KCNIP1: variants seen among roughly 807,000 people sequenced by gnomAD.
KCNIP1 encodes A-type potassium channel modulatory protein KCNIP1.
KCNIP1 carries 18 observed loss-of-function variants against 33.0 expected under a neutral mutation model. The observed-to-expected ratio is 0.55, with a 90% confidence interval of 0.38 to 0.81. KCNIP1 has a LOEUF of 0.81. Ranked by LOEUF, KCNIP1 falls within the 30% of genes least tolerant of loss-of-function variation. KCNIP1 has a pLI of 0.00. For synonymous variants in KCNIP1, 93 were observed against 98.3 expected, an observed-to-expected ratio of 0.95 and a Z score of 0.32; for missense variants, 238 against 271.6, an observed-to-expected ratio of 0.88 and a Z score of 0.87.
At chr5:170,597,788 T>TAC (rs1758500852) in intron 1 of KCNIP1, among the ~76,000 whole-genome samples, 3 of 822 alleles carry the variant, frequency 3.6e-3, no homozygotes, top group Non-Finnish European at 0.014. Context: ...GAGATAAATA[T>TAC]ATATATATAT....
At chr5:170,520,806 T>A (rs1366103377) in intron 1 of KCNIP1, among the ~76,000 whole-genome samples, 3 of 152,110 alleles carry the variant, frequency 2.0e-5, no homozygotes. Flanking sequence ...ACCACTTCCT[T>A]CAGGGAAGGC....
intron 1 of KCNIP1, among the ~76,000 whole-genome samples, chr5:170,608,207 G>C (rs1362988271): frequency 1.3e-5 from 2 of 152,132 alleles, no homozygotes; most frequent in African/African-American, 4.8e-5. Context: ...TTGTCTGCCA[G>C]CCATCCTCAG....
At position 170,428,713 on chromosome 5, in the gene KCNIP1, C is replaced by T. The variant is rs538742903; in HGVS notation, c.88+74749C>T. 2.0e-5 allele frequency among the ~76,000 whole-genome samples: 3 copies of T among 152,232 alleles called. No individual in the cohort carries two copies. In the South Asian group the frequency reaches 6.2e-4, roughly 32 times the overall value. ...CAATAGGAAGAAAGGTGTGTGTCAC[C>T]TTCACCTTCCCACCCTTTATGGGGG... On this transcript the variant is annotated intron_variant, in intron 1 of 7. Transcript: ENST00000377360.
At chr5:170,588,172 T>C (rs1289331619) in intron 1 of KCNIP1, among the ~76,000 whole-genome samples, 1 of 152,202 alleles carries the variant, frequency 6.6e-6, no homozygotes, top group South Asian at 2.1e-4. Flanking sequence ...AAAGCAATCA[T>C]AGACTGAGTC....
intron 1 of KCNIP1, among the ~76,000 whole-genome samples, chr5:170,426,548 A>T (rs1755619574): frequency 6.6e-6 from 1 of 152,146 alleles, no homozygotes; most frequent in African/African-American, 2.4e-5. Flanking sequence ...TGCCACTGGG[A>T]CTCAGTTTTA....
intron 1 of KCNIP1, among the ~76,000 whole-genome samples, chr5:170,659,779 C>A (rs1304391819): frequency 6.6e-6 from 1 of 152,188 alleles, no homozygotes; most frequent in Non-Finnish European, 1.5e-5. Context: ...GAGATAAGAT[C>A]TTTGACTATT....
intron 1 of KCNIP1, among the ~76,000 whole-genome samples, chr5:170,587,015 G>A (rs920908687): frequency 1.3e-5 from 2 of 152,154 alleles, no homozygotes. Context: ...AAAGGTGCCA[G>A]CCCCAAAAAA....
At chr5:170,484,616 G>C (rs34255830) in intron 1 of KCNIP1, among the ~76,000 whole-genome samples, 75,676 of 151,270 alleles carry the variant, frequency 0.5, 20,733 homozygotes, top group African/African-American at 0.73. Flanking sequence ...TTCTCTTTCT[G>C]TTGCCATTCT....
chr5:170,435,598 G>A lies in KCNIP1; in HGVS notation c.88+81634G>A, dbSNP rs142998492. ...GAGAAGGCATAAGATGATGCTGAAG[G>A]CACAGGCTCTGGAAGAGGACAGGGC... On this transcript the variant is annotated intron_variant, in intron 1 of 7. Transcript: ENST00000377360. 2.7e-3 allele frequency among the ~76,000 whole-genome samples: 413 copies of A among 152,296 alleles called. 2 individuals are homozygous for A. Among genetic ancestry groups the A allele is most frequent in the African/African-American group, 9.3e-3 (386 of 41,564 alleles).
At chr5:170,725,949 C>G (rs965415288) in intron 5 of KCNIP1, among the ~76,000 whole-genome samples, 1 of 152,134 alleles carries the variant, frequency 6.6e-6, no homozygotes, top group Non-Finnish European at 1.5e-5. Flanking sequence ...TGGACATTAA[C>G]CTTAACCTCA....
chr5:170,598,943 TTGGTGG>T (rs1758582313), intron 1 of KCNIP1, among the ~76,000 whole-genome samples: 11 of 82,116 alleles, frequency 1.3e-4, no homozygotes, highest in East Asian at 6.2e-4. Flanking sequence ...GTGTGTGTGT[TTGGTGG>T]GGTGGGAGGG....
At chr5:170,367,352 AG>A (rs1301795500) in intron 1 of KCNIP1, among the ~76,000 whole-genome samples, 1 of 41,726 alleles carries the variant, frequency 2.4e-5, no homozygotes, top group Non-Finnish European at 4.8e-5. Flanking sequence ...GGAAAGAAAA[AG>A]AAAGAAAGAA....
chr5:170,496,213 G>A (rs1757308294), intron 1 of KCNIP1, among the ~76,000 whole-genome samples: 1 of 152,218 alleles, frequency 6.6e-6, no homozygotes, highest in Non-Finnish European at 1.5e-5. Context: ...AAGGATGGGT[G>A]GGAGCATCAT....
At chr5:170,493,686 G>C (rs532641913) in intron 1 of KCNIP1, among the ~76,000 whole-genome samples, 15 of 152,330 alleles carry the variant, frequency 9.8e-5, no homozygotes, top group Admixed American at 8.5e-4. Context: ...AAAGTCATGT[G>C]TTAAGAGTGG....
chr5:170,428,228 G>T (rs1472739010), intron 1 of KCNIP1, among the ~76,000 whole-genome samples: 1 of 152,182 alleles, frequency 6.6e-6, no homozygotes, highest in African/African-American at 2.4e-5. Flanking sequence ...CGCAGGGTTG[G>T]TGGAAGGACT....
chr5:170,491,194 T>C (rs1757196882), intron 1 of KCNIP1, among the ~76,000 whole-genome samples: 1 of 152,184 alleles, frequency 6.6e-6, no homozygotes, highest in South Asian at 2.1e-4. Flanking sequence ...CACCAGTGTA[T>C]CCTGGAAACT....
chr5:170,599,303 A>G (rs1758597834), intron 1 of KCNIP1, among the ~76,000 whole-genome samples: 1 of 152,098 alleles, frequency 6.6e-6, no homozygotes, highest in African/African-American at 2.4e-5. Flanking sequence ...ACCGCAGCAC[A>G]CCGTGCATCC....
chr5:170,654,660 A>G (rs977584503), intron 1 of KCNIP1, among the ~76,000 whole-genome samples: 15 of 152,234 alleles, frequency 9.9e-5, no homozygotes, highest in African/African-American at 3.6e-4. Context: ...CTGCATATCA[A>G]GCATCTGGAA....
At chr5:170,356,850 A>C (rs1763362723) in intron 1 of KCNIP1, among the ~76,000 whole-genome samples, 1 of 152,160 alleles carries the variant, frequency 6.6e-6, no homozygotes. Flanking sequence ...ACTATGCAAC[A>C]CCTGTCCCAC....
Sources: allele counts gnomAD v4.1 joint callset (sites outside exome capture counted in the v4.1 genomes callset), GRCh38; gene constraint gnomAD v4.1.1; transcripts MANE v1.5; gene names NCBI Gene and HGNC (gene_info 2026-07-23, HGNC 2026-07-21).